Variants in WNK2 observed in about 807,000 individuals in gnomAD.
The protein encoded by WNK2 is serine/threonine-protein kinase WNK2.
Under a neutral mutation model 192.1 loss-of-function variants are expected in WNK2, and 67 were observed. The ratio of observed to expected loss-of-function variants is 0.35; its 90% CI spans 0.29 to 0.43. WNK2 has a LOEUF of 0.43. Ranked by LOEUF, WNK2 falls within the 20% of genes least tolerant of loss-of-function variation. The probability of loss-of-function intolerance (pLI) is 1.00; values close to 1 mark genes in which losing one functional copy is unlikely to be tolerated. For synonymous variants in WNK2, 1,439 were observed against 1,393.9 expected, an observed-to-expected ratio of 1.03 and a Z score of -0.72; for missense variants, 2,698 against 3,089.7, an observed-to-expected ratio of 0.87 and a Z score of 3.01.
rs1401783927 is a variant in WNK2, at chr9:93,292,354, G to A, written c.4983G>A (p.Arg1661=). The A allele has an allele frequency of 6.2e-7, 1 of 1,613,960 alleles. No homozygotes were observed. The highest frequency in any genetic ancestry group is 8.5e-7 in the Non-Finnish European group (1 of 1,179,900). ...RSMLGYDRDG[R]QVASDSHVVP... ...TGCTAGGCTATGACAGAGATGGAAGGCAGGTGGCCTCAGACTCCCATGTGG... is the reference window on the plus strand; with the variant it reads ...TGCTAGGCTATGACAGAGATGGAAGACAGGTGGCCTCAGACTCCCATGTGG... The change falls in exon 22 of 30, where the codon AGG becomes AGA. Residue 1661 remains arginine (R), a synonymous_variant. Coordinates refer to ENST00000427277, the MANE Select transcript of WNK2 (RefSeq NM_006648.4).
intron 28 of WNK2, among the ~76,000 whole-genome samples, chr9:93,311,713 C>G (rs1588636578): frequency 6.6e-6 from 1 of 151,956 alleles, no homozygotes; most frequent in African/African-American, 2.4e-5. Context: ...GTAACCTCTA[C>G]CCTCTAGGTT....
At chr9:93,288,321 T>C (rs1257764552) in intron 19 of WNK2, among the ~76,000 whole-genome samples, 3 of 152,208 alleles carry the variant, frequency 2.0e-5, no homozygotes, top group African/African-American at 7.2e-5. Context: ...CTCCTGGGCA[T>C]GGAAGTGTGT....
chr9:93,235,726 G>A (rs1347150257), intron 5 of WNK2, among the ~76,000 whole-genome samples: 1 of 152,216 alleles, frequency 6.6e-6, no homozygotes, highest in African/African-American at 2.4e-5. Flanking sequence ...GAGGGCCCAG[G>A]CTGCCCTGAT....
chr9:93,267,846 A>ACGCCGACCGTGG lies in WNK2; in HGVS notation c.3799_3810dup (p.Ala1267_Gly1270dup). On this transcript the variant is annotated inframe_insertion, in exon 17 of 30. Coordinates refer to ENST00000427277, the MANE Select transcript of WNK2 (RefSeq NM_006648.4). ...GAGGACATGCTCAGCGAGGACACAG[A>ACGCCGACCGTGG]CGCCGACCGTGGCTCCGACCCAGGG... The ACGCCGACCGTGG allele has an allele frequency of 6.2e-7, 1 of 1,612,094 alleles. No individual in the cohort carries two copies. Among genetic ancestry groups the ACGCCGACCGTGG allele is most frequent in the Non-Finnish European group, 8.5e-7 (1 of 1,179,358 alleles).
intron 3 of WNK2, 146 bp downstream of exon 3, chr9:93,230,014 C>A: frequency 9.7e-7 from 1 of 1,030,924 alleles, no homozygotes; most frequent in Non-Finnish European, 1.4e-6. Flanking sequence ...CATGGGATGC[C>A]AGGAGGTGGT....
At chr9:93,188,624 C>G (rs953864357) in intron 2 of WNK2, among the ~76,000 whole-genome samples, 2 of 152,230 alleles carry the variant, frequency 1.3e-5, no homozygotes, top group African/African-American at 2.4e-5. Flanking sequence ...TTCCTCCTTG[C>G]CCACATGTCC....
At chr9:93,213,463 G>T (rs991078041) in intron 2 of WNK2, among the ~76,000 whole-genome samples, 1 of 152,156 alleles carries the variant, frequency 6.6e-6, no homozygotes, top group African/African-American at 2.4e-5. Flanking sequence ...TTTTGAGTTT[G>T]CACTTACAAA....
intron 2 of WNK2, among the ~76,000 whole-genome samples, chr9:93,206,313 G>T (rs1305612336): frequency 6.6e-6 from 1 of 152,194 alleles, no homozygotes; most frequent in Non-Finnish European, 1.5e-5. Context: ...GTTGCCAAGG[G>T]TCGCCTGCAG....
chr9:93,259,730 C>T lies in WNK2; in HGVS notation c.3066+116C>T, dbSNP rs1843908200. 5 of 1,009,020 alleles carry T rather than the reference C, an allele frequency of 5.0e-6. No homozygotes were observed. Among genetic ancestry groups the T allele is most frequent in the African/African-American group, 1.6e-5 (1 of 61,568 alleles). 62.5% of individuals were successfully genotyped at this position (1,009,020 alleles called of 1,614,324 possible). A position where few individuals can be genotyped will look rare whatever the true frequency, so the allele number is the denominator to read the frequency against. ...GGCAGCCCTGCCTGGGGTCGCCCCT[C>T]TCAGGAAGAGATGTGTGTGAGGCTG... On this transcript the variant is annotated intron_variant, in intron 12 of 29. Transcript: ENST00000427277. This position sits in a 1 kb window ranked among gnomAD's most constrained non-coding sequence, Gnocchi z 4.8.
At chr9:93,252,763 A>T (rs977396417) in intron 8 of WNK2, 120 bp from the exon 9 acceptor site, 1 of 949,730 alleles carries the variant, frequency 1.1e-6, no homozygotes, top group Admixed American at 4.0e-5. Flanking sequence ...TGTGCGGGTT[A>T]TTTATGTGAT....
chr9:93,190,924 T>A (rs1411287283), intron 2 of WNK2, among the ~76,000 whole-genome samples: 1 of 152,052 alleles, frequency 6.6e-6, no homozygotes, highest in Non-Finnish European at 1.5e-5. Context: ...CAGACCCAGA[T>A]GGGGACAGTC....
At chr9:93,208,755 G>A (rs1052859057) in intron 2 of WNK2, among the ~76,000 whole-genome samples, 2 of 110 alleles carry the variant, frequency 0.018, no homozygotes, top group African/African-American at 0.031. Context: ...ATGTGTGTGC[G>A]CATGTCCTCC....
chr9:93,209,334 C>T (rs1253574808), intron 2 of WNK2, among the ~76,000 whole-genome samples: 1 of 152,202 alleles, frequency 6.6e-6, no homozygotes, highest in Non-Finnish European at 1.5e-5. Flanking sequence ...CTCCCCATCT[C>T]CACCCACCAC....
chr9:93,200,180 C>T (rs1226641345), intron 2 of WNK2, among the ~76,000 whole-genome samples: 1 of 152,124 alleles, frequency 6.6e-6, no homozygotes, highest in Non-Finnish European at 1.5e-5. Flanking sequence ...AATTATTGGC[C>T]CTGACACCCC....
rs560624556 is a variant in WNK2, at chr9:93,262,047, C to T, written c.3300C>T (p.Gly1100=). The change falls in exon 13 of 30, where the codon GGC becomes GGT. Residue 1100 remains glycine, a synonymous_variant. Coordinates refer to ENST00000427277, the MANE Select transcript of WNK2 (RefSeq NM_006648.4). The part of the protein sequence containing the change: ...LLPPANPPLP[G]GPGIASPCPT... The stretch of plus-strand genomic sequence containing the variant: ...CACCAGCAAACCCACCGCTGCCTGG[C>T]GGGCCCGGGATCGCCAGCCCTTGCC... The T allele has an allele frequency of 4.5e-5, 73 of 1,610,006 alleles. No homozygotes were observed. The highest frequency in any genetic ancestry group is 1.1e-4 in the East Asian group (5 of 44,786).
At chr9:93,307,550 T>C (rs1029572973) in intron 27 of WNK2, 8 of 152,300 alleles carry the variant, frequency 5.3e-5, no homozygotes, top group Non-Finnish European at 7.3e-5. Context: ...AAAAACACTT[T>C]GAATGAAGCA....
chr9:93,227,312 A>G lies in WNK2; in HGVS notation c.682-2384A>G, dbSNP rs562736391. ...GTATTTTTAGTAGAGACGGGGTTTC[A>G]CCATGTTAGCCAGGATGGTCTCGAT... is the stretch of plus-strand genomic sequence containing the variant. On this transcript the variant is annotated intron_variant, in intron 2 of 29. Coordinates refer to ENST00000427277, the MANE Select transcript of WNK2 (RefSeq NM_006648.4). Among the ~76,000 whole-genome samples, 37 of 151,852 alleles carry G rather than the reference A, an allele frequency of 2.4e-4. 1 individual carries two copies. In the East Asian group the frequency reaches 6.4e-3, roughly 26 times the overall value.
At chr9:93,192,391 T>C (rs1374449930) in intron 2 of WNK2, among the ~76,000 whole-genome samples, 1 of 151,622 alleles carries the variant, frequency 6.6e-6, no homozygotes, top group African/African-American at 2.4e-5. Flanking sequence ...ATGTGGCTGC[T>C]GTCCTCTGAG....
At chr9:93,306,929 G>T in intron 27 of WNK2, 108 bp downstream of exon 27, 1 of 1,402,980 alleles carries the variant, frequency 7.1e-7, no homozygotes, top group South Asian at 1.2e-5. Flanking sequence ...CCTGCCCTGT[G>T]CCTGCCCCGC....
Sources: allele counts gnomAD v4.1 joint callset (sites outside exome capture counted in the v4.1 genomes callset), GRCh38; gene constraint gnomAD v4.1.1; non-coding constraint Gnocchi (gnomAD v3.1); transcripts MANE v1.5; gene names NCBI Gene and HGNC (gene_info 2026-07-23, HGNC 2026-07-21).